SCLT1: variants seen among roughly 807,000 people sequenced by gnomAD.
SCLT1 encodes sodium channel and clathrin linker 1.
SCLT1 carries 78 observed loss-of-function variants against 112.8 expected under a neutral mutation model. That is an observed-to-expected ratio of 0.69 (90% CI 0.58 to 0.83). The LOEUF is 0.83. Ranked by LOEUF, SCLT1 falls within the 40% of genes least tolerant of loss-of-function variation. The pLI is 0.00. For missense variants in SCLT1, 747 were observed against 770.4 expected (o/e 0.97, Z 0.36); for synonymous variants, 257 against 254.7 (o/e 1.01, Z -0.09).
chr4:128,948,388 A>G, intron 15 of SCLT1, 108 bp downstream of exon 15: 5 of 1,389,292 alleles, frequency 3.6e-6, no homozygotes, highest in Non-Finnish European at 3.8e-6. Context: ...TACCAGGACA[A>G]TACTAACAAA....
At chr4:128,975,384 G>T (rs1741074968) in intron 9 of SCLT1, among the ~76,000 whole-genome samples, 1 of 151,804 alleles carries the variant, frequency 6.6e-6, no homozygotes, top group African/African-American at 2.4e-5. Flanking sequence ...ATTTAATCAA[G>T]TATAACATAA....
intron 5 of SCLT1, chr4:129,036,880 T>C (rs1207194740): frequency 6.6e-6 from 1 of 151,864 alleles, no homozygotes; most frequent in Non-Finnish European, 1.5e-5. Flanking sequence ...TGTCAAACTT[T>C]AAAAGAGCCC....
intron 2 of SCLT1, among the ~76,000 whole-genome samples, chr4:129,052,031 A>G (rs772825920): frequency 9.9e-5 from 15 of 152,108 alleles, no homozygotes; most frequent in Non-Finnish European, 1.6e-4. Context: ...GATTATGTTT[A>G]TTGATTTGCA....
In SCLT1 at chr4:129,087,841, T is replaced by C. The variant is rs114137150; in HGVS notation, c.34+5229A>G. Among the ~76,000 whole-genome samples, 761 of 150,180 alleles carry C rather than the reference T, an allele frequency of 5.1e-3. 12 individuals are homozygous for C. Among genetic ancestry groups the C allele is most frequent in the African/African-American group, 0.018 (717 of 40,888 alleles). On this transcript the variant is annotated intron_variant, in intron 1 of 20. Transcript: ENST00000281142. ...GCATGATAGCTCATGCCTATAATCCTAGCACTTTGGGAGGCAAGAGGATCA... is the reference window on the plus strand; with the variant it reads ...GCATGATAGCTCATGCCTATAATCCCAGCACTTTGGGAGGCAAGAGGATCA...
At chr4:128,893,128 A>G in intron 18 of SCLT1, among the ~76,000 whole-genome samples, 1 of 152,250 alleles carries the variant, frequency 6.6e-6, no homozygotes, top group East Asian at 1.9e-4. Context: ...TTATAAAGTT[A>G]GCCAACATTC....
intron 9 of SCLT1, among the ~76,000 whole-genome samples, chr4:128,976,415 A>G (rs1021595137): frequency 1.3e-5 from 2 of 152,232 alleles, no homozygotes; most frequent in African/African-American, 4.8e-5. Flanking sequence ...CAAGGTGCAG[A>G]AAATATTAAT....
At chr4:129,010,714 T>C (rs754143620) in intron 5 of SCLT1, among the ~76,000 whole-genome samples, 1 of 152,214 alleles carries the variant, frequency 6.6e-6, no homozygotes, top group Non-Finnish European at 1.5e-5. Context: ...CTCATTTGGC[T>C]CTTGGCTTGA....
rs1049473541 is a variant in SCLT1 at position 128,959,692 on chromosome 4, A to T, written c.955T>A (p.Cys319Ser). 6.2e-7 allele frequency: 1 copy of T among 1,613,250 alleles called. No homozygotes were observed. The highest frequency in any genetic ancestry group is 1.1e-5 in the South Asian group (1 of 91,074). Residue 319 changes from cysteine to serine, a missense_variant, in exon 12 of 21, where the codon TGC (cysteine) becomes AGC (serine). Transcript: ENST00000281142. ...TATCTCTCATTTTCTAATTCATTGC[A>T]CTTTGCTTGTAGCTCTCTGGTCTGT... ...EKQTRELQAKCNELENERYEA... is the reference protein window; with the variant it reads ...EKQTRELQAKSNELENERYEA...
Position 128,959,674 on chromosome 4 carries a change from C to T in SCLT1, c.973G>A (p.Glu325Lys). 1.2e-6 allele frequency: 2 copies of T among 1,613,518 alleles called. No individual in the cohort carries two copies. The highest frequency in any genetic ancestry group is 1.7e-6 in the Non-Finnish European group (2 of 1,179,626). ...LQAKCNELEN[E>K]RYEAIVRARN... ...GCTCTTACAATAGCCTCATATCTCT[C>T]ATTTTCTAATTCATTGCACTTTGCT... Residue 325 changes from glutamate to lysine, a missense_variant, in exon 12 of 21, where the codon GAG becomes AAG. By Grantham distance (56) the Glu-to-Lys change is moderately conservative (BLOSUM62 1). Around this residue, in one of 2 missense-constraint regions of SCLT1, gnomAD observed 723 missense variants for 721.3 expected, o/e 1.00. Coordinates refer to ENST00000281142, the MANE Select transcript of SCLT1 (RefSeq NM_144643.4).
chr4:128,938,561 T>C (rs181373664), intron 17 of SCLT1, among the ~76,000 whole-genome samples: 3 of 152,306 alleles, frequency 2.0e-5, no homozygotes, highest in East Asian at 3.9e-4. Context: ...AAATTTAGAT[T>C]GCCTGCCCTT....
At chr4:128,973,982 C>A (rs1740929278) in intron 9 of SCLT1, among the ~76,000 whole-genome samples, 1 of 152,094 alleles carries the variant, frequency 6.6e-6, no homozygotes, top group Non-Finnish European at 1.5e-5. Flanking sequence ...ACTGACTCTA[C>A]CAACACAAAA....
intron 5 of SCLT1, among the ~76,000 whole-genome samples, chr4:129,005,543 T>C (rs1335966254): frequency 6.6e-6 from 1 of 152,094 alleles, no homozygotes; most frequent in Non-Finnish European, 1.5e-5. Flanking sequence ...TGTGGAGAAA[T>C]AGGAACACCT....
intron 2 of SCLT1, among the ~76,000 whole-genome samples, chr4:129,080,724 T>C (rs763875620): frequency 2.4e-4 from 36 of 152,340 alleles, no homozygotes; most frequent in Admixed American, 6.5e-4. Flanking sequence ...CCAAAGTCAC[T>C]TCCACATTTT....
rs1272650167 is a variant in SCLT1, at chr4:128,967,749, A to C, written c.778-2431T>G. ...GTTCTTTATTGATGCTGGATATTACACCTTTGTCAGATGCACAGTTTGCAA... is the reference window on the plus strand; with the variant it reads ...GTTCTTTATTGATGCTGGATATTACCCCTTTGTCAGATGCACAGTTTGCAA... On this transcript the variant is annotated intron_variant, in intron 10 of 20. Coordinates refer to ENST00000281142, the MANE Select transcript of SCLT1 (RefSeq NM_144643.4). Among the ~76,000 whole-genome samples, 3 of 151,778 alleles carry C rather than the reference A, an allele frequency of 2.0e-5. 1 individual carries two copies. In the South Asian group the frequency reaches 6.2e-4, roughly 31 times the overall value.
intron 18 of SCLT1, among the ~76,000 whole-genome samples, chr4:128,908,942 C>G (rs768238137): frequency 6.6e-6 from 1 of 152,136 alleles, no homozygotes; most frequent in South Asian, 2.1e-4. Context: ...TGTTTAGTCC[C>G]TAAGATTTCA....
intron 1 of SCLT1, among the ~76,000 whole-genome samples, chr4:129,086,521 T>A (rs1279512704): frequency 6.6e-6 from 1 of 152,140 alleles, no homozygotes; most frequent in Non-Finnish European, 1.5e-5. Context: ...AGTCACTTAC[T>A]AGCTCTGTTA....
At chr4:129,056,482 G>A (rs1749405080) in intron 2 of SCLT1, among the ~76,000 whole-genome samples, 1 of 152,080 alleles carries the variant, frequency 6.6e-6, no homozygotes, top group African/African-American at 2.4e-5. Context: ...AACATGGTAT[G>A]TATTTCTATT....
intron 18 of SCLT1, among the ~76,000 whole-genome samples, chr4:128,919,239 C>A (rs1021962552): frequency 1.3e-5 from 2 of 151,604 alleles, no homozygotes; most frequent in Admixed American, 1.3e-4. Context: ...GACCACAGTG[C>A]AATAAAAATA....
intron 19 of SCLT1, 66 bp downstream of exon 19, chr4:128,890,993 T>C (rs1397216048): frequency 8.6e-7 from 1 of 1,157,374 alleles, no homozygotes; most frequent in Non-Finnish European, 1.3e-6. Flanking sequence ...TTGGCTCAGG[T>C]AAAATTCTAT....
Sources: allele counts gnomAD v4.1 joint callset (sites outside exome capture counted in the v4.1 genomes callset), GRCh38; gene constraint gnomAD v4.1.1; regional missense constraint gnomAD v4.1.1; transcripts MANE v1.5; gene names NCBI Gene and HGNC (gene_info 2026-07-23, HGNC 2026-07-21).